MGAT4C: variants seen among roughly 807,000 people sequenced by gnomAD.
The protein encoded by MGAT4C is MGAT4 family member C, also known as alpha-1,3-mannosyl-glycoprotein 4-beta-N-acetylglucosaminyltransferase C.
Under a neutral mutation model 40.1 loss-of-function variants are expected in MGAT4C, and 19 were observed. The observed-to-expected ratio is 0.47, with a 90% CI of 0.33 to 0.70. The LOEUF (loss-of-function observed/expected upper bound fraction) is 0.70. Ranked by LOEUF, MGAT4C falls within the 30% of genes least tolerant of loss-of-function variation. The pLI is 0.02. For synonymous variants in MGAT4C, 181 were observed against 187.1 expected, an observed-to-expected ratio of 0.97 and a Z score of 0.27; for missense variants, 491 against 563.2, an observed-to-expected ratio of 0.87 and a Z score of 1.30.
intron 1 of MGAT4C, among the ~76,000 whole-genome samples, chr12:86,207,040 C>T (rs1457470005): frequency 2.6e-5 from 4 of 151,036 alleles, no homozygotes; most frequent in African/African-American, 9.7e-5. Flanking sequence ...TCTAAAAAAT[C>T]TTTACAGTTA....
At chr12:86,306,941 G>T (rs1205041066) in intron 4 of MGAT4C, among the ~76,000 whole-genome samples, 1 of 150,426 alleles carries the variant, frequency 6.6e-6, no homozygotes, top group East Asian at 1.9e-4. Flanking sequence ...CTATTTTTCA[G>T]TATGTTTGAA....
chr12:86,251,090 A>G (rs2136075087), intron 1 of MGAT4C, among the ~76,000 whole-genome samples: 1 of 151,110 alleles, frequency 6.6e-6, no homozygotes, highest in African/African-American at 2.4e-5. Flanking sequence ...AGTTCATGAA[A>G]TTTTCACAAC....
chr12:86,335,261 ACACTTG>A, intron 3 of MGAT4C, among the ~76,000 whole-genome samples: 1 of 152,104 alleles, frequency 6.6e-6, no homozygotes, highest in African/African-American at 2.4e-5. Flanking sequence ...TTATTTCAGA[ACACTTG>A]TTATTTTATT....
chr12:86,543,499 T>A (rs879322436), intron 2 of MGAT4C, among the ~76,000 whole-genome samples: 18 of 152,034 alleles, frequency 1.2e-4, no homozygotes, highest in Admixed American at 9.8e-4. Context: ...AGGGTTTTTT[T>A]AAATAGAAGT....
chr12:86,240,438 C>T (rs954002001), intron 1 of MGAT4C, among the ~76,000 whole-genome samples: 63 of 151,918 alleles, frequency 4.1e-4, no homozygotes, highest in African/African-American at 1.5e-3. Context: ...TACTGTTCTA[C>T]ATTTGTGGGT....
intron 1 of MGAT4C, among the ~76,000 whole-genome samples, chr12:86,099,462 T>A (rs1416954699): frequency 6.6e-6 from 1 of 151,198 alleles, no homozygotes; most frequent in East Asian, 1.9e-4. Context: ...GGGATACATG[T>A]GCAGAACGTG....
At chr12:86,621,152 T>A (rs901060157) in intron 2 of MGAT4C, among the ~76,000 whole-genome samples, 4 of 152,164 alleles carry the variant, frequency 2.6e-5, no homozygotes, top group Admixed American at 2.6e-4. Flanking sequence ...TTTTCAATGG[T>A]ATTTATTTGT....
intron 2 of MGAT4C, among the ~76,000 whole-genome samples, chr12:86,491,514 C>T (rs1051394362): frequency 1.3e-5 from 2 of 151,894 alleles, no homozygotes; most frequent in Admixed American, 1.3e-4. Context: ...TAAACGTAAT[C>T]CAGCATATAA....
At chr12:86,031,720 A>T (rs10863149) in intron 2 of MGAT4C, among the ~76,000 whole-genome samples, 53,906 of 151,648 alleles carry the variant, frequency 0.36, 10,432 homozygotes, top group Middle Eastern at 0.48. Flanking sequence ...AAATCTTTGC[A>T]ATTGTGTTTT....
At chr12:86,257,358 C>T (rs758435378), upstream of MGAT4C, among the ~76,000 whole-genome samples, 12 of 152,140 alleles carry the variant, frequency 7.9e-5, no homozygotes, top group Admixed American at 1.3e-4. Flanking sequence ...AGCTGTCAAC[C>T]GCATAACTGT....
In MGAT4C at chr12:86,327,767, T is replaced by A. The variant is rs992809880; in HGVS notation, c.-57+6298A>T. ...AGGAGTTCTTGGTTTTCAATCAATC[T>A]GTTTCTTTGTTTTCTCCACTCTACT... On this transcript the variant is annotated intron_variant, in intron 4 of 7. Coordinates refer to the MGAT4C transcript ENST00000548651. Among the ~76,000 whole-genome samples the A allele has an allele frequency of 2.6e-5, 4 of 152,270 alleles. No homozygotes were observed. In the South Asian group the frequency reaches 8.3e-4, roughly 32 times the overall value.
intron 1 of MGAT4C, among the ~76,000 whole-genome samples, chr12:86,826,899 T>A (rs1403722535): frequency 6.6e-6 from 1 of 151,378 alleles, no homozygotes; most frequent in East Asian, 1.9e-4. Context: ...AAAATAAAAT[T>A]TTTTTTGTTC....
intron 4 of MGAT4C, among the ~76,000 whole-genome samples, chr12:86,306,135 T>C (rs902210447): frequency 6.7e-6 from 1 of 150,292 alleles, no homozygotes; most frequent in Non-Finnish European, 1.5e-5. Context: ...TATAATCACT[T>C]TGAGAAAAAG....
At chr12:86,347,010 G>A (rs2136188796) in intron 3 of MGAT4C, among the ~76,000 whole-genome samples, 1 of 152,214 alleles carries the variant, frequency 6.6e-6, no homozygotes, top group African/African-American at 2.4e-5. Context: ...GTTTGCCAGG[G>A]GCTCTCGGGC....
chr12:86,309,767 C>T (rs565904581), intron 4 of MGAT4C, among the ~76,000 whole-genome samples: 1 of 152,296 alleles, frequency 6.6e-6, no homozygotes, highest in South Asian at 2.1e-4. Flanking sequence ...TAGGGGAAAG[C>T]ATATTAATAA....
chr12:86,797,535 T>G (rs1362441452), intron 1 of MGAT4C, among the ~76,000 whole-genome samples: 3 of 151,926 alleles, frequency 2.0e-5, no homozygotes, highest in African/African-American at 7.2e-5. Flanking sequence ...ATTTGCCATG[T>G]TTTTACTATC....
At chr12:86,185,285 T>C (rs1025761608) in intron 1 of MGAT4C, among the ~76,000 whole-genome samples, 1 of 152,184 alleles carries the variant, frequency 6.6e-6, no homozygotes, top group African/African-American at 2.4e-5. Context: ...TTCATTTTGG[T>C]AAGTAATTTA....
chr12:86,527,380 C>T (rs1254807373), intron 2 of MGAT4C, among the ~76,000 whole-genome samples: 1 of 152,108 alleles, frequency 6.6e-6, no homozygotes, highest in Non-Finnish European at 1.5e-5. Flanking sequence ...AAGTACAACA[C>T]CATTTTTATT....
intron 2 of MGAT4C, among the ~76,000 whole-genome samples, chr12:86,486,937 A>G (rs1958029741): frequency 6.6e-6 from 1 of 152,186 alleles, no homozygotes; most frequent in South Asian, 2.1e-4. Context: ...TTTCAGGCTC[A>G]GCAAAGCAGT....
Sources: allele counts gnomAD v4.1 joint callset (sites outside exome capture counted in the v4.1 genomes callset), GRCh38; gene constraint gnomAD v4.1.1; transcripts MANE v1.5; gene names NCBI Gene and HGNC (gene_info 2026-07-23, HGNC 2026-07-21).